The following KCNAB1 variants were observed in gnomAD, a reference collection of about 807,000 sequenced individuals.
KCNAB1 encodes the protein voltage-gated potassium channel subunit beta-1.
A neutral mutation model predicts 64.6 loss-of-function variants in KCNAB1; 35 were observed. The ratio of observed to expected loss-of-function variants is 0.54; its 90% CI spans 0.41 to 0.72. The LOEUF (loss-of-function observed/expected upper bound fraction) is 0.72. Ranked by LOEUF, KCNAB1 falls within the 30% of genes least tolerant of loss-of-function variation. The probability of loss-of-function intolerance (pLI) is 0.00; values close to 1 mark genes in which losing one functional copy is unlikely to be tolerated. For synonymous variants in KCNAB1, 177 were observed against 183.8 expected (o/e 0.96, Z 0.30); for missense variants, 401 against 512.9 (o/e 0.78, Z 2.11).
At chr3:156,294,308 A>G (rs1239010206) in intron 1 of KCNAB1, among the ~76,000 whole-genome samples, 3 of 152,196 alleles carry the variant, frequency 2.0e-5, no homozygotes, top group Non-Finnish European at 4.4e-5. Context: ...ACTAAACAAG[A>G]TGCCTCTTTT....
chr3:156,339,289 C>G (rs1392274467), intron 1 of KCNAB1, among the ~76,000 whole-genome samples: 1 of 152,188 alleles, frequency 6.6e-6, no homozygotes. Context: ...TTATTTACCT[C>G]TCAGAATAAA....
intron 7 of KCNAB1, 115 bp downstream of exon 7, chr3:156,465,801 C>A: frequency 1.3e-6 from 1 of 791,276 alleles, no homozygotes; most frequent in South Asian, 1.6e-5. Context: ...ATGAAAAGTG[C>A]CACAATCAAC....
chr3:156,254,726 G>C (rs1240603028), intron 1 of KCNAB1, among the ~76,000 whole-genome samples: 2 of 152,208 alleles, frequency 1.3e-5, no homozygotes, highest in Non-Finnish European at 2.9e-5. Flanking sequence ...GTTGCTGAGA[G>C]TTAGGCTAGG....
At chr3:156,336,177 T>A (rs1438296711) in intron 1 of KCNAB1, among the ~76,000 whole-genome samples, 1 of 152,102 alleles carries the variant, frequency 6.6e-6, no homozygotes, top group South Asian at 2.1e-4. Flanking sequence ...CTGGCCAACA[T>A]GGCGAAACCC....
At chr3:156,240,597 G>T (rs1037935423) in intron 1 of KCNAB1, among the ~76,000 whole-genome samples, 1 of 152,130 alleles carries the variant, frequency 6.6e-6, no homozygotes, top group African/African-American at 2.4e-5. Flanking sequence ...AATGTATTGA[G>T]TTTCTAATAT....
At chr3:156,482,036 T>C (rs1041697043) in intron 8 of KCNAB1, among the ~76,000 whole-genome samples, 3 of 152,152 alleles carry the variant, frequency 2.0e-5, no homozygotes, top group Admixed American at 6.6e-5. Flanking sequence ...CTAATGGAGA[T>C]AGCCAAGCTG....
chr3:156,485,011 G>A (rs1715097642), intron 8 of KCNAB1, among the ~76,000 whole-genome samples: 1 of 152,088 alleles, frequency 6.6e-6, no homozygotes. Context: ...TTGTTGTGAA[G>A]ACAAAATGAG....
chr3:156,165,719 A>C (rs573497128), intron 1 of KCNAB1, among the ~76,000 whole-genome samples: 2 of 152,196 alleles, frequency 1.3e-5, no homozygotes, highest in African/African-American at 4.8e-5. Flanking sequence ...TTTTATATGT[A>C]TTTATCTTTA....
At chr3:156,373,382 A>G (rs1459965579) in intron 1 of KCNAB1, among the ~76,000 whole-genome samples, 4 of 152,218 alleles carry the variant, frequency 2.6e-5, no homozygotes, top group Non-Finnish European at 5.9e-5. Flanking sequence ...GGGGAGCTTA[A>G]TCTCATTTTC....
rs115091280 is a variant in KCNAB1, at chr3:156,379,326, G to A, written c.276-42290G>A. Among the ~76,000 whole-genome samples, 950 of 152,310 alleles carry A rather than the reference G, an allele frequency of 6.2e-3. 4 individuals are homozygous for A. The highest frequency in any genetic ancestry group is 0.016 in the Admixed American group (239 of 15,304). On this transcript the variant is annotated intron_variant, in intron 1 of 13. Coordinates refer to ENST00000490337, the MANE Select transcript of KCNAB1 (RefSeq NM_172160.3). The stretch of plus-strand genomic sequence containing the variant: ...TTGTGGAGCTTACATTTTAACTGGG[G>A]AAGAACAGATAAATAAGATGAGGAA...
At chr3:156,223,117 T>C (rs1165959927) in intron 1 of KCNAB1, among the ~76,000 whole-genome samples, 1 of 152,226 alleles carries the variant, frequency 6.6e-6, no homozygotes, top group Non-Finnish European at 1.5e-5. Context: ...TTCCTTCTGC[T>C]GTTCAGATGT....
intron 1 of KCNAB1, among the ~76,000 whole-genome samples, chr3:156,163,910 A>G (rs1181836374): frequency 6.6e-6 from 1 of 152,190 alleles, no homozygotes; most frequent in Non-Finnish European, 1.5e-5. Context: ...TGTGGATACA[A>G]CCTTGATGAT....
intron 1 of KCNAB1, among the ~76,000 whole-genome samples, chr3:156,416,126 A>T (rs765528878): frequency 1.4e-4 from 22 of 152,094 alleles, no homozygotes; most frequent in Admixed American, 7.2e-4. Context: ...TCTCCACTCC[A>T]CTAAATCCGA....
chr3:156,376,434 T>C (rs1263665844), intron 1 of KCNAB1, among the ~76,000 whole-genome samples: 1 of 152,046 alleles, frequency 6.6e-6, no homozygotes, highest in South Asian at 2.1e-4. Context: ...GTTCAAAGAC[T>C]GAAGAGGACA....
At chr3:156,413,603 C>T (rs1714842597) in intron 1 of KCNAB1, among the ~76,000 whole-genome samples, 1 of 152,226 alleles carries the variant, frequency 6.6e-6, no homozygotes, top group South Asian at 2.1e-4. Context: ...GTGATAGAGG[C>T]ACTGCCGCAC....
At chr3:156,385,578 C>T (rs1031773968) in intron 1 of KCNAB1, among the ~76,000 whole-genome samples, 3 of 151,968 alleles carry the variant, frequency 2.0e-5, no homozygotes, top group Non-Finnish European at 4.4e-5. Context: ...GGCACAGTTA[C>T]CTAATTTAGA....
rs560777908 is a variant in KCNAB1 at position 156,496,337 on chromosome 3, A to G, written c.659-18027A>G. On this transcript the variant is annotated intron_variant, in intron 8 of 13. Coordinates refer to ENST00000490337, the MANE Select transcript of KCNAB1 (RefSeq NM_172160.3). The stretch of plus-strand genomic sequence containing the variant: ...ACCTGGTGGGAGGTGATTGAATCAC[A>G]GGGACAGGTGTTTCTGTGCTGTTCT... 7.0e-4 allele frequency among the ~76,000 whole-genome samples: 107 copies of G among 152,256 alleles called. 1 individual carries two copies. Among genetic ancestry groups the G allele is most frequent in the African/African-American group, 2.6e-3 (106 of 41,548 alleles).
At chr3:156,250,785 G>C (rs1717787059) in intron 1 of KCNAB1, among the ~76,000 whole-genome samples, 1 of 152,186 alleles carries the variant, frequency 6.6e-6, no homozygotes, top group South Asian at 2.1e-4. Flanking sequence ...AGATAAAAGA[G>C]TGACAAAGGT....
intron 1 of KCNAB1, among the ~76,000 whole-genome samples, chr3:156,390,328 T>C (rs376694590): frequency 2.6e-5 from 4 of 152,330 alleles, no homozygotes; most frequent in African/African-American, 9.6e-5. Flanking sequence ...TTTTTGGTAG[T>C]CTAAGCATTC....
Sources: gnomAD v4.1 joint callset for allele counts (sites outside exome capture counted in the v4.1 genomes callset) on GRCh38, gnomAD v4.1.1 for gene constraint, MANE v1.5 for transcripts, NCBI Gene and HGNC (gene_info 2026-07-23, HGNC 2026-07-21) for gene names.